The following TMEM132B variants were observed in gnomAD, a reference collection of about 807,000 sequenced individuals.
TMEM132B encodes transmembrane protein 132B.
A neutral mutation model predicts 90.8 loss-of-function variants in TMEM132B; 18 were observed. That is an observed-to-expected ratio of 0.20 (90% CI 0.14 to 0.29). The LOEUF (loss-of-function observed/expected upper bound fraction) is 0.29. TMEM132B is among the 10% of genes least tolerant of loss of function. TMEM132B has a pLI of 1.00. For missense variants in TMEM132B, 1,096 were observed against 1,326.8 expected, an observed-to-expected ratio of 0.83 and a Z score of 2.70; for synonymous variants, 504 against 523.3, an observed-to-expected ratio of 0.96 and a Z score of 0.50.
rs148950873 is a variant in TMEM132B, at chr12:125,454,791, C to T, written c.1106+39114C>T. On this transcript the variant is annotated intron_variant, in intron 3 of 8. Coordinates refer to ENST00000682704, the MANE Select transcript of TMEM132B (RefSeq NM_001366854.1). ...TCTTTAACAAGTGGATATGATGCCT[C>T]GCTTGATGTTTATTTTCAATCATGA... is the stretch of plus-strand genomic sequence containing the variant. Among the ~76,000 whole-genome samples the T allele has an allele frequency of 1.6e-4, 25 of 152,294 alleles. No homozygotes were observed. The East Asian group carries it at 3.1e-3, about 19-fold the overall frequency.
At chr12:125,221,904 T>C (rs1349244162) in intron 1 of TMEM132B, among the ~76,000 whole-genome samples, 1 of 152,192 alleles carries the variant, frequency 6.6e-6, no homozygotes, top group Admixed American at 6.5e-5. Context: ...GGAGCCCAAC[T>C]AGCGTGGTTG....
intron 1 of TMEM132B, among the ~76,000 whole-genome samples, chr12:125,260,222 C>T (rs926639563): frequency 7.9e-5 from 12 of 152,320 alleles, no homozygotes; most frequent in Non-Finnish European, 1.2e-4. Context: ...TCCTGTCTTG[C>T]GCTAGAGCTT....
intron 4 of TMEM132B, among the ~76,000 whole-genome samples, chr12:125,571,731 A>G (rs1884801042): frequency 6.6e-6 from 1 of 152,220 alleles, no homozygotes; most frequent in African/African-American, 2.4e-5. Flanking sequence ...TTGTTATTTT[A>G]ATGAACTGCT....
intron 1 of TMEM132B, among the ~76,000 whole-genome samples, chr12:125,325,013 A>G (rs1024127651): frequency 6.6e-6 from 1 of 152,160 alleles, no homozygotes; most frequent in African/African-American, 2.4e-5. Context: ...CCTGCCTGCA[A>G]CGCAAAACAG....
At chr12:125,289,797 C>A (rs7297875) in intron 1 of TMEM132B, among the ~76,000 whole-genome samples, 11,292 of 152,254 alleles carry the variant, frequency 0.074, 593 homozygotes, top group Non-Finnish European at 0.11. Flanking sequence ...GCCCAAGTGG[C>A]TCCAGGGTGC....
chr12:125,605,742 C>G (rs1885679677), intron 5 of TMEM132B, among the ~76,000 whole-genome samples: 1 of 152,152 alleles, frequency 6.6e-6, no homozygotes, highest in African/African-American at 2.4e-5. Context: ...GTTCTGATCT[C>G]CACATTACAG....
chr12:125,578,566 C>G (rs1884985052), intron 4 of TMEM132B, among the ~76,000 whole-genome samples: 1 of 152,038 alleles, frequency 6.6e-6, no homozygotes, highest in African/African-American at 2.4e-5. Flanking sequence ...AATTAAGTTA[C>G]TGTCTAGTGT....
At chr12:125,578,884 G>T (rs550950074) in intron 4 of TMEM132B, among the ~76,000 whole-genome samples, 1 of 151,912 alleles carries the variant, frequency 6.6e-6, no homozygotes, top group Non-Finnish European at 1.5e-5. Flanking sequence ...TGGTATTTTG[G>T]TATTTGACAG....
In TMEM132B at chr12:125,406,604, G is replaced by A. The variant is rs988083434; in HGVS notation, c.960-8927G>A. Among the ~76,000 whole-genome samples the A allele has an allele frequency of 2.0e-5, 3 of 152,196 alleles. No individual in the cohort carries two copies. The highest frequency in any genetic ancestry group is 2.9e-5 in the Non-Finnish European group (2 of 68,042). On this transcript the variant is annotated intron_variant, in intron 2 of 8. Coordinates refer to ENST00000682704, the MANE Select transcript of TMEM132B (RefSeq NM_001366854.1). This position sits in a 1 kb window ranked among gnomAD's most constrained non-coding sequence, Gnocchi z 8.3. Reference sequence around the variant, plus strand: ...TTAAACGTCGGAGGACTGGGTGGATGATATGGGGTATAAAAATATTTCACA... The same window carrying A: ...TTAAACGTCGGAGGACTGGGTGGATAATATGGGGTATAAAAATATTTCACA...
At chr12:125,378,346 C>T (rs1372630745) in intron 2 of TMEM132B, among the ~76,000 whole-genome samples, 5 of 152,210 alleles carry the variant, frequency 3.3e-5, no homozygotes, top group Admixed American at 6.5e-5. Context: ...AGCTGGAGTG[C>T]ATTTGACTGC....
At position 125,302,617 on chromosome 12, in the gene TMEM132B, G is replaced by A. The variant is rs543074758; in HGVS notation, c.68-46835G>A. Among the ~76,000 whole-genome samples, 22 of 152,068 alleles carry A rather than the reference G, an allele frequency of 1.4e-4. 1 individual carries two copies. Among genetic ancestry groups the A allele is most frequent in the South Asian group, 4.2e-4 (2 of 4,812 alleles). ...GTCTGGGATGGGACTCTGGATTTTC[G>A]GTGCTTGCAAAGAGGGCAAAAGGTG... On this transcript the variant is annotated intron_variant, in intron 1 of 8. Transcript: ENST00000682704.
At chr12:125,478,989 G>C (rs1881966508) in intron 3 of TMEM132B, among the ~76,000 whole-genome samples, 1 of 152,162 alleles carries the variant, frequency 6.6e-6, no homozygotes, top group Non-Finnish European at 1.5e-5. Context: ...TTTCAACCCA[G>C]AATTTCATAT....
At chr12:125,614,539 A>T (rs1885942228) in intron 5 of TMEM132B, among the ~76,000 whole-genome samples, 1 of 152,096 alleles carries the variant, frequency 6.6e-6, no homozygotes. Flanking sequence ...GGTAGATTCC[A>T]TGTCTTTGCT....
In TMEM132B at chr12:125,312,536, G is replaced by A. The variant is rs138946875; in HGVS notation, c.68-36916G>A. On this transcript the variant is annotated intron_variant, in intron 1 of 8. Coordinates refer to ENST00000682704, the MANE Select transcript of TMEM132B (RefSeq NM_001366854.1). Reference sequence around the variant, plus strand: ...GCCCTCTGAGGACCCTTGGGTAGATGTCCCAGCGTCCTCTGGAGAGACCCA... The same window carrying A: ...GCCCTCTGAGGACCCTTGGGTAGATATCCCAGCGTCCTCTGGAGAGACCCA... 2.6e-4 allele frequency among the ~76,000 whole-genome samples: 39 copies of A among 152,338 alleles called. No homozygotes were observed. In the East Asian group the frequency reaches 5.2e-3, roughly 20 times the overall value.
At chr12:125,424,596 C>G (rs2086984727) in intron 3 of TMEM132B, among the ~76,000 whole-genome samples, 1 of 152,128 alleles carries the variant, frequency 6.6e-6, no homozygotes, top group African/African-American at 2.4e-5. Context: ...TTCTTTAAGG[C>G]AAAGACTCTA....
chr12:125,569,562 A>G (rs992358858), intron 4 of TMEM132B, among the ~76,000 whole-genome samples: 15 of 152,172 alleles, frequency 9.9e-5, no homozygotes, highest in Admixed American at 9.2e-4. Context: ...TATGGGACTT[A>G]GGATGCAGGG....
chr12:125,396,920 C>T (rs1879184395), intron 2 of TMEM132B, among the ~76,000 whole-genome samples: 1 of 152,098 alleles, frequency 6.6e-6, no homozygotes, highest in Non-Finnish European at 1.5e-5. Flanking sequence ...GGCAGACATA[C>T]AGCTTTAACA....
chr12:125,367,074 C>T (rs75430677), intron 2 of TMEM132B, among the ~76,000 whole-genome samples: 14,229 of 151,996 alleles, frequency 0.094, 772 homozygotes, highest in South Asian at 0.19. Flanking sequence ...TCATTAAGAG[C>T]GTATTTTCTT....
chr12:125,627,761 T>A (rs1886268852), intron 5 of TMEM132B, among the ~76,000 whole-genome samples: 1 of 152,126 alleles, frequency 6.6e-6, no homozygotes, highest in Non-Finnish European at 1.5e-5. Context: ...ATACTAGGTT[T>A]TATTCTTTCT....
Sources: gnomAD v4.1 joint callset for allele counts (sites outside exome capture counted in the v4.1 genomes callset) on GRCh38, gnomAD v4.1.1 for gene constraint, Gnocchi (gnomAD v3.1) non-coding constraint, MANE v1.5 for transcripts, NCBI Gene and HGNC (gene_info 2026-07-23, HGNC 2026-07-21) for gene names.